SLC25A21: variants seen among roughly 807,000 people sequenced by gnomAD.
The protein encoded by SLC25A21 is solute carrier family 25 member 21, also known as mitochondrial 2-oxodicarboxylate carrier.
A neutral mutation model predicts 43.8 loss-of-function variants in SLC25A21; 47 were observed. The ratio of observed to expected loss-of-function variants is 1.07; its 90% CI spans 0.85 to 1.37. The LOEUF (loss-of-function observed/expected upper bound fraction) is 1.37, where lower values mean the gene tolerates loss of function less well. Ranked by LOEUF, SLC25A21 falls within the 40% of genes most tolerant of loss-of-function variation. The pLI, the probability that SLC25A21 is intolerant of heterozygous loss-of-function variation, is 0.00. For synonymous variants in SLC25A21, 131 were observed against 121.3 expected (o/e 1.08, Z -0.52); for missense variants, 352 against 350.2 (o/e 1.00, Z -0.04).
At chr14:37,116,240 A>C (rs1482030753) in intron 1 of SLC25A21, among the ~76,000 whole-genome samples, 1 of 152,194 alleles carries the variant, frequency 6.6e-6, no homozygotes, top group Non-Finnish European at 1.5e-5. Flanking sequence ...CCCTCTCTCA[A>C]GATGAGCTTG....
chr14:36,849,374 C>T (rs761749090), intron 2 of SLC25A21, among the ~76,000 whole-genome samples: 3 of 152,110 alleles, frequency 2.0e-5, no homozygotes, highest in African/African-American at 7.2e-5. Context: ...TGTGAAATGA[C>T]ACCCTGATTC....
At chr14:36,700,954 G>A (rs1165957670) in intron 7 of SLC25A21, among the ~76,000 whole-genome samples, 2 of 152,128 alleles carry the variant, frequency 1.3e-5, no homozygotes, top group African/African-American at 4.8e-5. Context: ...TTGCCTCCTG[G>A]TAACTGAACA....
chr14:36,965,048 G>A (rs1317485484), intron 1 of SLC25A21, among the ~76,000 whole-genome samples: 1 of 152,008 alleles, frequency 6.6e-6, no homozygotes, highest in Non-Finnish European at 1.5e-5. Flanking sequence ...TTAAAGGTTT[G>A]TGGTTACTTT....
chr14:36,857,517 T>C (rs1402225408), intron 2 of SLC25A21, among the ~76,000 whole-genome samples: 1 of 152,076 alleles, frequency 6.6e-6, no homozygotes, highest in Non-Finnish European at 1.5e-5. Flanking sequence ...GAAAAGAAAA[T>C]CATGCCGAGG....
At position 37,017,666 on chromosome 14, in the gene SLC25A21, G is replaced by A. The variant is rs1384508996; in HGVS notation, c.71-142662C>T. On this transcript the variant is annotated intron_variant, in intron 1 of 9. Coordinates refer to ENST00000331299, the MANE Select transcript of SLC25A21 (RefSeq NM_030631.4). ...TATCTGCGAAGTGCAATAATAAAATGAAGTATGCCTGTATCTGAATGTTTT... is the reference window on the plus strand; with the variant it reads ...TATCTGCGAAGTGCAATAATAAAATAAAGTATGCCTGTATCTGAATGTTTT... Among the ~76,000 whole-genome samples, 3 of 152,014 alleles carry A rather than the reference G, an allele frequency of 2.0e-5. No homozygotes were observed. In the East Asian group the frequency reaches 5.8e-4, roughly 29 times the overall value.
chr14:37,060,455 G>A (rs1275580715), intron 1 of SLC25A21, among the ~76,000 whole-genome samples: 1 of 150,148 alleles, frequency 6.7e-6, no homozygotes, highest in Non-Finnish European at 1.5e-5. Flanking sequence ...AGGGCATGGT[G>A]GAAACTGTAA....
intron 1 of SLC25A21, among the ~76,000 whole-genome samples, chr14:36,945,625 T>C (rs1395025708): frequency 2.0e-5 from 3 of 152,222 alleles, no homozygotes; most frequent in Non-Finnish European, 4.4e-5. Flanking sequence ...GGACAGATAC[T>C]GTGCAATTCC....
Position 36,995,851 on chromosome 14 carries a change from C to T in SLC25A21, c.71-120847G>A, listed in dbSNP as rs1310498303. ...GGCAATCCACTCCCTTACTCCTTCG[C>T]TCCTACTGAAGAACAACAACATAAT... On this transcript the variant is annotated intron_variant, in intron 1 of 9. Transcript: ENST00000331299. 3.3e-5 allele frequency among the ~76,000 whole-genome samples: 5 copies of T among 152,166 alleles called. No homozygotes were observed. In the East Asian group the frequency reaches 9.6e-4, roughly 29 times the overall value.
At chr14:36,850,366 T>A (rs1241905457) in intron 2 of SLC25A21, among the ~76,000 whole-genome samples, 1 of 152,166 alleles carries the variant, frequency 6.6e-6, no homozygotes, top group Admixed American at 6.5e-5. Context: ...GTTAGAAAAC[T>A]GGAGATCAGT....
chr14:37,050,897 T>C (rs1182252287), intron 1 of SLC25A21, among the ~76,000 whole-genome samples: 1 of 152,238 alleles, frequency 6.6e-6, no homozygotes, highest in Non-Finnish European at 1.5e-5. Context: ...TTTCTACTTA[T>C]GTGCCTGGTT....
At chr14:37,005,419 C>T (rs1456179573) in intron 1 of SLC25A21, among the ~76,000 whole-genome samples, 2 of 152,114 alleles carry the variant, frequency 1.3e-5, no homozygotes, top group African/African-American at 2.4e-5. Flanking sequence ...CTCAGAGCTA[C>T]GTCAGTATTT....
intron 2 of SLC25A21, among the ~76,000 whole-genome samples, chr14:36,873,697 T>C (rs1326892466): frequency 6.6e-6 from 1 of 152,168 alleles, no homozygotes; most frequent in Non-Finnish European, 1.5e-5. Context: ...TAACCCACAA[T>C]GCAACGGTAT....
At chr14:36,833,740 T>A (rs865979462) in intron 2 of SLC25A21, among the ~76,000 whole-genome samples, 2 of 152,180 alleles carry the variant, frequency 1.3e-5, no homozygotes, top group Non-Finnish European at 2.9e-5. Flanking sequence ...AGGTCAGCCA[T>A]GAGAACACCA....
At chr14:36,915,705 T>G (rs912158500) in intron 1 of SLC25A21, among the ~76,000 whole-genome samples, 10 of 152,128 alleles carry the variant, frequency 6.6e-5, no homozygotes, top group Admixed American at 5.2e-4. Context: ...CATCACACTT[T>G]CAGGCAATAG....
At position 36,871,423 on chromosome 14, in the gene SLC25A21, A is replaced by G. The variant is rs1890370040; in HGVS notation, c.119+3533T>C. Among the ~76,000 whole-genome samples the G allele has an allele frequency of 3.9e-5, 6 of 152,262 alleles. 1 individual carries two copies. In the South Asian group the frequency reaches 1.2e-3, roughly 32 times the overall value. On this transcript the variant is annotated intron_variant, in intron 2 of 9. Transcript: ENST00000331299. Reference sequence around the variant, plus strand: ...TTGTCTATAAGTTACCCAGTTTATGATATTTTGTTATAGAAGCCTGGACAG... The same window carrying G: ...TTGTCTATAAGTTACCCAGTTTATGGTATTTTGTTATAGAAGCCTGGACAG...
chr14:36,878,642 A>G (rs568654788), intron 1 of SLC25A21, among the ~76,000 whole-genome samples: 97 of 152,326 alleles, frequency 6.4e-4, no homozygotes, highest in African/African-American at 2.2e-3. Flanking sequence ...ACCTACTATG[A>G]AGGCACAAAC....
At chr14:36,871,446 C>T (rs1890370942) in intron 2 of SLC25A21, among the ~76,000 whole-genome samples, 2 of 152,288 alleles carry the variant, frequency 1.3e-5, no homozygotes, top group East Asian at 3.9e-4. Context: ...GAAGCCTGGA[C>T]AGATGAACAT....
At chr14:36,894,997 TTC>T (rs988797521) in intron 1 of SLC25A21, among the ~76,000 whole-genome samples, 9 of 152,180 alleles carry the variant, frequency 5.9e-5, no homozygotes, top group African/African-American at 2.2e-4. Flanking sequence ...TGGTCTAAAA[TTC>T]TCTTTTTTGG....
chr14:36,872,948 A>G (rs753614994), intron 2 of SLC25A21, among the ~76,000 whole-genome samples: 19 of 152,300 alleles, frequency 1.2e-4, no homozygotes, highest in Non-Finnish European at 2.4e-4. Context: ...ACCCACATGC[A>G]CTAGATGCTC....
Sources: allele counts gnomAD v4.1 joint callset (sites outside exome capture counted in the v4.1 genomes callset), GRCh38; gene constraint gnomAD v4.1.1; transcripts MANE v1.5; gene names NCBI Gene and HGNC (gene_info 2026-07-23, HGNC 2026-07-21).